Variants in SYCP1 observed in about 807,000 individuals in gnomAD.
SYCP1 encodes cancer/testis antigen 8.
Under a neutral mutation model 153.1 loss-of-function variants are expected in SYCP1, and 64 were observed. The observed-to-expected ratio is 0.42, with a 90% confidence interval of 0.34 to 0.51. The LOEUF (loss-of-function observed/expected upper bound fraction) is 0.51, where lower values mean the gene tolerates loss of function less well. Among genes scored for constraint, SYCP1 ranks in the 20% least tolerant of loss-of-function variants. The pLI is 0.06. For synonymous variants in SYCP1, 384 were observed against 341.8 expected (o/e 1.12, Z -1.36); for missense variants, 997 against 1,049.0 (o/e 0.95, Z 0.68).
intron 15 of SYCP1, among the ~76,000 whole-genome samples, chr1:114,892,462 G>A (rs1666779705): frequency 6.6e-6 from 1 of 152,216 alleles, no homozygotes; most frequent in Non-Finnish European, 1.5e-5. Context: ...CTCAGGGCAT[G>A]TGACCCCGCT....
intron 16 of SYCP1, among the ~76,000 whole-genome samples, chr1:114,907,626 G>A (rs183176169): frequency 6.7e-6 from 1 of 149,618 alleles, no homozygotes; most frequent in African/African-American, 2.5e-5. Flanking sequence ...CTGTTGCCCA[G>A]GCTGGAGTGC....
At chr1:114,864,501 T>C (rs543233534) in intron 8 of SYCP1, among the ~76,000 whole-genome samples, 5 of 151,930 alleles carry the variant, frequency 3.3e-5, no homozygotes, top group Non-Finnish European at 7.4e-5. Flanking sequence ...CTTTTTTTGA[T>C]GGGGGGTGGG....
Position 114,876,817 on chromosome 1 carries a change from T to C in SYCP1, c.801+7T>C, listed in dbSNP as rs760581584. Reference sequence around the variant, plus strand: ...AAATGACAAGGAAAAGCAGGTTTTTTAAAAAACCAACTCTTTGTATTCTTT... The same window carrying C: ...AAATGACAAGGAAAAGCAGGTTTTTCAAAAAACCAACTCTTTGTATTCTTT... On this transcript the variant is annotated splice_region_variant and intron_variant, in intron 11 of 31. Transcript: ENST00000369522. 17 of 1,379,456 alleles carry C rather than the reference T, an allele frequency of 1.2e-5. No homozygotes were observed. The highest frequency in any genetic ancestry group is 1.5e-5 in the African/African-American group (1 of 65,954). The allele number at this position is 1,379,456 out of a possible 1,614,324, so 85.5% of individuals were successfully genotyped here. A position where few individuals can be genotyped will look rare whatever the true frequency, so the allele number is the denominator to read the frequency against.
At chr1:114,944,734 C>G (rs569420603) in intron 24 of SYCP1, 138 bp from the exon 25 acceptor site, 1 of 692,534 alleles carries the variant, frequency 1.4e-6, no homozygotes, top group East Asian at 2.8e-5. Context: ...AAACCCCAAA[C>G]AGTGCATTTT....
intron 23 of SYCP1, among the ~76,000 whole-genome samples, chr1:114,927,905 C>G (rs1240761761): frequency 1.3e-5 from 2 of 152,086 alleles, no homozygotes; most frequent in Non-Finnish European, 2.9e-5. Context: ...ACCGCAGCCT[C>G]GATCTCCTGG....
chr1:114,936,970 C>T (rs1670053154), intron 23 of SYCP1, among the ~76,000 whole-genome samples: 1 of 152,212 alleles, frequency 6.6e-6, no homozygotes, highest in South Asian at 2.1e-4. Flanking sequence ...CCATACTGCC[C>T]AAGGTAATTT....
intron 5 of SYCP1, 89 bp downstream of exon 5, chr1:114,857,586 G>A: frequency 1.1e-6 from 1 of 948,560 alleles, no homozygotes; most frequent in Non-Finnish European, 1.5e-6. Flanking sequence ...GCTTCAAAAG[G>A]ATTATTATTT....
At chr1:114,992,537 A>G (rs1673996147) in intron 30 of SYCP1, among the ~76,000 whole-genome samples, 1 of 151,648 alleles carries the variant, frequency 6.6e-6, no homozygotes, top group Non-Finnish European at 1.5e-5. Flanking sequence ...AAGACCATTC[A>G]ATGGGGAAGG....
intron 27 of SYCP1, among the ~76,000 whole-genome samples, chr1:114,960,529 T>C (rs916483458): frequency 2.0e-5 from 3 of 152,170 alleles, no homozygotes; most frequent in Non-Finnish European, 4.4e-5. Context: ...CCACCAGCAG[T>C]GTATGAGGGT....
At chr1:114,973,891 C>A (rs1009228021) in intron 27 of SYCP1, among the ~76,000 whole-genome samples, 1 of 151,792 alleles carries the variant, frequency 6.6e-6, no homozygotes, top group African/African-American at 2.4e-5. Flanking sequence ...TTACTATTAT[C>A]TTTCTCTTCC....
chr1:114,963,363 T>C (rs1297926508), intron 27 of SYCP1, among the ~76,000 whole-genome samples: 2 of 152,324 alleles, frequency 1.3e-5, no homozygotes, highest in African/African-American at 4.8e-5. Flanking sequence ...TTTGTTCATT[T>C]TTTTAAAAGT....
At chr1:114,956,866 A>C (rs1671469728) in intron 27 of SYCP1, among the ~76,000 whole-genome samples, 1 of 149,866 alleles carries the variant, frequency 6.7e-6, no homozygotes, top group African/African-American at 2.5e-5. Flanking sequence ...CCACAAACAA[A>C]GGCAGACTGT....
chr1:114,895,401 T>C, intron 15 of SYCP1, 47 bp from the exon 16 acceptor site: 1 of 1,264,914 alleles, frequency 7.9e-7, no homozygotes, highest in Non-Finnish European at 1.1e-6. Context: ...TCTTTTCCTA[T>C]TCTTTTAATC....
Position 114,944,372 on chromosome 1 carries a change from A to C in SYCP1, c.1960A>C (p.Lys654Gln), listed in dbSNP as rs758153295. 1 of 1,606,824 alleles carries C rather than the reference A, an allele frequency of 6.2e-7. No homozygotes were observed. Among genetic ancestry groups the C allele is most frequent in the Non-Finnish European group, 8.5e-7 (1 of 1,176,570 alleles). The change falls in exon 24 of 32, where the codon AAA becomes CAA. Residue 654 changes from lysine (K) to glutamine (Q), a missense_variant. Transcript: ENST00000369522. ...ATTAGAGTTAGAACTAGAAAGTGCC[A>C]AACAGAAATTTGGAGAAATCACAGA... is the stretch of plus-strand genomic sequence containing the variant. Reference protein sequence around the residue: ...NKLELELESAKQKFGEITDTY... With the variant: ...NKLELELESAQQKFGEITDTY...
intron 30 of SYCP1, among the ~76,000 whole-genome samples, chr1:114,993,838 C>T (rs185886606): frequency 6.9e-4 from 105 of 151,306 alleles, no homozygotes; most frequent in Admixed American, 2.3e-3. Flanking sequence ...CATAACTCTT[C>T]ATCACAACTA....
At chr1:114,938,036 C>T (rs1054532257) in intron 23 of SYCP1, among the ~76,000 whole-genome samples, 1 of 152,148 alleles carries the variant, frequency 6.6e-6, no homozygotes, top group Non-Finnish European at 1.5e-5. Flanking sequence ...ACCCAGAGAT[C>T]CCATTACTGG....
chr1:114,994,342 A>G (rs1224006329), intron 30 of SYCP1, among the ~76,000 whole-genome samples: 3 of 151,444 alleles, frequency 2.0e-5, no homozygotes, highest in Non-Finnish European at 3.0e-5. Flanking sequence ...GGGTCAGGGA[A>G]GGAGGACAAG....
At chr1:114,985,356 A>G (rs1250437533) in intron 30 of SYCP1, among the ~76,000 whole-genome samples, 1 of 152,014 alleles carries the variant, frequency 6.6e-6, no homozygotes, top group Non-Finnish European at 1.5e-5. Context: ...TATTAAGGAC[A>G]GCATGTTTAA....
Position 114,886,240 on chromosome 1 carries a change from C to T in SYCP1, c.1121C>T (p.Ser374Leu), listed in dbSNP as rs199876684. Residue 374 changes from serine (S) to leucine (L), a missense_variant, in exon 14 of 32, where the codon TCG becomes TTG. Around this residue, in one of 2 missense-constraint regions of SYCP1, gnomAD observed 712 missense variants for 682.9 expected, o/e 1.04. Coordinates refer to ENST00000369522, the MANE Select transcript of SYCP1 (RefSeq NM_003176.4). ...TCTAATAAAGCTAGAGCTGCTCATT[C>T]GTTTGTGGTTACTGAATTTGAAACT... ...EESNKARAAHSFVVTEFETTV... is the reference protein window; with the variant it reads ...EESNKARAAHLFVVTEFETTV... 2.9e-5 allele frequency: 46 copies of T among 1,608,582 alleles called. No homozygotes were observed. The highest frequency in any genetic ancestry group is 4.5e-5 in the South Asian group (4 of 89,788).
Sources: allele counts gnomAD v4.1 joint callset (sites outside exome capture counted in the v4.1 genomes callset), GRCh38; gene constraint gnomAD v4.1.1; regional missense constraint gnomAD v4.1.1; transcripts MANE v1.5; gene names NCBI Gene and HGNC (gene_info 2026-07-23, HGNC 2026-07-21).